RBM14: variants seen among roughly 807,000 people sequenced by gnomAD.
RBM14 encodes RNA-binding protein 14.
Under a neutral mutation model 52.8 loss-of-function variants are expected in RBM14, and 5 were observed. That is an observed-to-expected ratio of 0.09 (90% CI 0.05 to 0.20). RBM14 has a LOEUF of 0.20. RBM14 is among the 10% of genes least tolerant of loss of function. The pLI is 1.00. For synonymous variants in RBM14, 411 were observed against 401.8 expected (o/e 1.02, Z -0.28); for missense variants, 780 against 926.6 (o/e 0.84, Z 2.05).
At position 66,625,187 on chromosome 11, in the gene RBM14, C is replaced by T. The variant is rs375934305; in HGVS notation, c.1311C>T (p.Ala437=). The part of the protein sequence containing the change: ...SQPAAYVAQP[A]TAAAYASQPA... ...CTGCTGCCTATGTGGCACAGCCAGC[C>T]ACAGCTGCTGCCTATGCCAGCCAGC... The change falls in exon 2 of 3, where the codon GCC becomes GCT. Residue 437 remains alanine (A), a synonymous_variant. Transcript: ENST00000310137. This position sits in a 1 kb window ranked among gnomAD's most constrained non-coding sequence, Gnocchi z 4.2. 3 of 1,612,184 alleles carry T rather than the reference C, an allele frequency of 1.9e-6. No homozygotes were observed. The highest frequency in any genetic ancestry group is 1.1e-5 in the South Asian group (1 of 91,086).
rs774395879 is a variant in RBM14 at position 66,624,574 on chromosome 11, A to G, written c.698A>G (p.Gln233Arg). 2 of 1,612,288 alleles carry G rather than the reference A, an allele frequency of 1.2e-6. No homozygotes were observed. Among genetic ancestry groups the G allele is most frequent in the African/African-American group, 1.3e-5 (1 of 74,908 alleles). Residue 233 changes from glutamine (Q) to arginine (R), a missense_variant, in exon 2 of 3, where the codon CAG (glutamine) becomes CGG (arginine). By Grantham distance (43) the Gln-to-Arg change is conservative. Around this residue, in one of 4 missense-constraint regions of RBM14, gnomAD observed 675 missense variants for 697.3 expected, o/e 0.97. Coordinates refer to ENST00000310137, the MANE Select transcript of RBM14 (RefSeq NM_006328.4). The surrounding 1 kb of genome is among the most constrained non-coding windows in gnomAD (Gnocchi z 4.7). ...RASYVAPLTA[Q>R]PATYRAQPSV... is the part of the protein sequence containing the mutation. ...TCTTATGTGGCTCCTCTGACGGCCC[A>G]GCCAGCTACCTACCGGGCCCAGCCG...
Position 66,628,481 on chromosome 11 carries a change from G to A in RBM14, c.*1813G>A, listed in dbSNP as rs936304533. On this transcript the variant is annotated 3_prime_UTR_variant, in exon 3 of 3. Coordinates refer to ENST00000310137, the MANE Select transcript of RBM14 (RefSeq NM_006328.4). ...CTCTTGCCATCGTGCAAAAGCATTCGATCTTATGACCGTGAGTTCTTATTT... is the reference window on the plus strand; with the variant it reads ...CTCTTGCCATCGTGCAAAAGCATTCAATCTTATGACCGTGAGTTCTTATTT... Among the ~76,000 whole-genome samples, 2 of 149,730 alleles carry A rather than the reference G, an allele frequency of 1.3e-5. No homozygotes were observed. Among genetic ancestry groups the A allele is most frequent in the African/African-American group, 4.9e-5 (2 of 41,184 alleles).
chr11:66,620,394 G>A (rs1479230074), intron 1 of RBM14, among the ~76,000 whole-genome samples: 4 of 151,828 alleles, frequency 2.6e-5, no homozygotes, highest in Non-Finnish European at 2.9e-5. Context: ...TGCAACCTCC[G>A]TCTCCTGGGT....
Position 66,624,074 on chromosome 11 carries a change from A to T in RBM14, c.338-140A>T. 1 of 1,403,468 alleles carries T rather than the reference A, an allele frequency of 7.1e-7. No homozygotes were observed. Among genetic ancestry groups the T allele is most frequent in the Admixed American group, 1.9e-5 (1 of 53,198 alleles). The allele number at this position is 1,403,468 out of a possible 1,614,324, so 86.9% of individuals were successfully genotyped here. On this transcript the variant is annotated intron_variant, in intron 1 of 2. Coordinates refer to ENST00000310137, the MANE Select transcript of RBM14 (RefSeq NM_006328.4). This position sits in a 1 kb window ranked among gnomAD's most constrained non-coding sequence, Gnocchi z 4.7. ...TGTTATATGGGAGCTACATTTTATGACATACTCCTGGAGAGGAGGGTTTGG... is the reference window on the plus strand; with the variant it reads ...TGTTATATGGGAGCTACATTTTATGTCATACTCCTGGAGAGGAGGGTTTGG...
rs1937960565 is a variant in RBM14 at position 66,629,519 on chromosome 11, A to G, written c.*2851A>G. Among the ~76,000 whole-genome samples the G allele has an allele frequency of 6.6e-6, 1 of 152,224 alleles. No individual in the cohort carries two copies. The highest frequency in any genetic ancestry group is 6.5e-5 in the Admixed American group (1 of 15,282). ...ATACCCATCACTTAAATTCTGCCAC[A>G]GTCTGCACAGACGGTTGGTCCTCCA... On this transcript the variant is annotated 3_prime_UTR_variant, in exon 3 of 3. Coordinates refer to ENST00000310137, the MANE Select transcript of RBM14 (RefSeq NM_006328.4).
Position 66,626,909 on chromosome 11 carries a change from T to C in RBM14, c.*241T>C. On this transcript the variant is annotated 3_prime_UTR_variant, in exon 3 of 3. Coordinates refer to ENST00000310137, the MANE Select transcript of RBM14 (RefSeq NM_006328.4). ...TAGATCTGCGGTTTCCCCTCTACCC[T>C]GCCTCCCGTCTCCCCAGAATGGGAA... 1 of 434,902 alleles carries C rather than the reference T, an allele frequency of 2.3e-6. No homozygotes were observed. Among genetic ancestry groups the C allele is most frequent in the East Asian group, 3.6e-5 (1 of 27,996 alleles). The allele number at this position is 434,902 out of a possible 1,614,324, so 26.9% of individuals were successfully genotyped here.
rs1937699291 is a variant in RBM14, at chr11:66,624,596, G to C, written c.720G>C (p.Gln240His). ...CCCAGCCAGCTACCTACCGGGCCCA[G>C]CCGTCCGTGTCACTGGGAGCTGCCT... Reference protein sequence around the residue: ...LTAQPATYRAQPSVSLGAAYR... With the variant: ...LTAQPATYRAHPSVSLGAAYR... The change falls in exon 2 of 3, where the codon CAG becomes CAC. Residue 240 changes from glutamine (Q) to histidine (H), a missense_variant. Physicochemically the swap from Gln to His is conservative, Grantham distance 24 (BLOSUM62 0). This residue lies in a region of RBM14 where 675 missense variants were observed against 697.3 expected (regional missense o/e 0.97). Transcript: ENST00000310137. The surrounding 1 kb of genome is among the most constrained non-coding windows in gnomAD (Gnocchi z 4.7). 2 of 1,612,154 alleles carry C rather than the reference G, an allele frequency of 1.2e-6. No homozygotes were observed. The highest frequency in any genetic ancestry group is 1.3e-5 in the African/African-American group (1 of 75,040).
In RBM14 at chr11:66,625,501, G is replaced by C; in HGVS notation, c.1625G>C (p.Gly542Ala). 3 of 1,612,668 alleles carry C rather than the reference G, an allele frequency of 1.9e-6. No homozygotes were observed. Among genetic ancestry groups the C allele is most frequent in the Non-Finnish European group, 2.5e-6 (3 of 1,179,468 alleles). Residue 542 changes from glycine to alanine, a missense_variant, in exon 2 of 3, where the codon GGC becomes GCC. By Grantham distance (60) the Gly-to-Ala change is moderately conservative. This residue lies in a region of RBM14 where 675 missense variants were observed against 697.3 expected (regional missense o/e 0.97). Transcript: ENST00000310137. This position sits in a 1 kb window ranked among gnomAD's most constrained non-coding sequence, Gnocchi z 4.2. The stretch of plus-strand genomic sequence containing the variant: ...CCCCAGGCTGCTGCCTCCTACCGCG[G>C]CCAGCCAGGCAATGCCTACGATGGG... ...QHPQAAASYR[G>A]QPGNAYDGAG...
In RBM14 at chr11:66,624,521, C is replaced by T; in HGVS notation, c.645C>T (p.Ser215=). The change falls in exon 2 of 3, where the codon AGC becomes AGT. Residue 215 remains serine, a synonymous_variant. Transcript: ENST00000310137. This position sits in a 1 kb window ranked among gnomAD's most constrained non-coding sequence, Gnocchi z 4.7. The stretch of plus-strand genomic sequence containing the variant: ...CACCCTTCTTTGGTCGCGACCGCAG[C>T]CCTCTGCGCCGTTCACCTCCCCGAG... ...PTPPFFGRDR[S]PLRRSPPRAS... 6.2e-7 allele frequency: 1 copy of T among 1,612,854 alleles called. No homozygotes were observed. Among genetic ancestry groups the T allele is most frequent in the Non-Finnish European group, 8.5e-7 (1 of 1,179,294 alleles).
chr11:66,621,590 T>C (rs1859116098), intron 1 of RBM14, among the ~76,000 whole-genome samples: 1 of 152,144 alleles, frequency 6.6e-6, no homozygotes, highest in African/African-American at 2.4e-5. Context: ...TTGGTCAGGC[T>C]GGTCTTGAAC....
At position 66,624,666 on chromosome 11, in the gene RBM14, C is replaced by A. The variant is rs1366832989; in HGVS notation, c.790C>A (p.Gln264Lys). Reference protein sequence around the residue: ...SASLGVGYRTQPMTAQAASYR... With the variant: ...SASLGVGYRTKPMTAQAASYR... ...CTCTTTGGGTGTTGGCTATCGGACT[C>A]AGCCCATGACAGCCCAGGCAGCCTC... The change falls in exon 2 of 3, where the codon CAG (glutamine) becomes AAG (lysine). Residue 264 changes from glutamine (Q) to lysine (K), a missense_variant. Transcript: ENST00000310137. The surrounding 1 kb of genome is among the most constrained non-coding windows in gnomAD (Gnocchi z 4.7). 6.2e-7 allele frequency: 1 copy of A among 1,613,480 alleles called. No homozygotes were observed. The highest frequency in any genetic ancestry group is 1.3e-5 in the African/African-American group (1 of 75,044).
At chr11:66,622,518 C>G (rs1222560132) in intron 1 of RBM14, among the ~76,000 whole-genome samples, 2 of 152,188 alleles carry the variant, frequency 1.3e-5, no homozygotes, top group South Asian at 2.1e-4. Flanking sequence ...AGCCCCTGTA[C>G]CTGCCTAAAT....
At chr11:66,618,529 T>C in intron 1 of RBM14, 1 of 717,520 alleles carries the variant, frequency 1.4e-6, no homozygotes, top group South Asian at 1.5e-5. Context: ...GGAATCGGGC[T>C]TTCCTGCTGG....
rs1231374287 is a variant in RBM14 at position 66,625,820 on chromosome 11, G to A, written c.1802+142G>A. 1.5e-6 allele frequency: 1 copy of A among 684,984 alleles called. No individual in the cohort carries two copies. The highest frequency in any genetic ancestry group is 2.8e-5 in the East Asian group (1 of 36,356). 42.4% of individuals were successfully genotyped at this position (684,984 alleles called of 1,614,324 possible). A position where few individuals can be genotyped will look rare whatever the true frequency, so the allele number is the denominator to read the frequency against. On this transcript the variant is annotated intron_variant, in intron 2 of 2. Coordinates refer to ENST00000310137, the MANE Select transcript of RBM14 (RefSeq NM_006328.4). The surrounding 1 kb of genome is among the most constrained non-coding windows in gnomAD (Gnocchi z 4.2). ...TTGTGGGATGTCCAGAGGCCGAGGG[G>A]AGCAGTGTCTATGAACTTTCCTGGT... is the stretch of plus-strand genomic sequence containing the variant.
intron 1 of RBM14, among the ~76,000 whole-genome samples, chr11:66,623,024 C>T (rs1859186993): frequency 6.6e-6 from 1 of 152,114 alleles, no homozygotes; most frequent in Non-Finnish European, 1.5e-5. Context: ...AAGTTTTCTC[C>T]TTCTGTGTAG....
Position 66,625,168 on chromosome 11 carries a change from C to G in RBM14, c.1292C>G (p.Ala431Gly). Residue 431 changes from alanine to glycine, a missense_variant, in exon 2 of 3, where the codon GCC (alanine) becomes GGC (glycine). By Grantham distance (60) the Ala-to-Gly change is moderately conservative (BLOSUM62 0). Transcript: ENST00000310137. This position sits in a 1 kb window ranked among gnomAD's most constrained non-coding sequence, Gnocchi z 4.2. ...QAASYSSQPA[A>G]YVAQPATAAA... ...GCTTCCTACTCTTCCCAACCTGCTG[C>G]CTATGTGGCACAGCCAGCCACAGCT... 6.2e-7 allele frequency: 1 copy of G among 1,612,622 alleles called. No homozygotes were observed.
intron 1 of RBM14, chr11:66,618,691 C>T (rs768284987): frequency 9.6e-6 from 6 of 627,120 alleles, no homozygotes; most frequent in Admixed American, 2.6e-5. Context: ...ATTGACTTAC[C>T]AAGTTTCTTT....
chr11:66,626,404 A>C (rs895114950), intron 2 of RBM14, 57 bp from the exon 3 acceptor site: 2 of 1,524,100 alleles, frequency 1.3e-6, no homozygotes, highest in African/African-American at 1.4e-5. Flanking sequence ...CCCAATGCCC[A>C]CCTGGAGTCC....
Position 66,622,211 on chromosome 11 carries a change from T to C in RBM14, c.338-2003T>C, listed in dbSNP as rs1455441718. Among the ~76,000 whole-genome samples the C allele has an allele frequency of 7.9e-5, 12 of 151,604 alleles. No homozygotes were observed. In the East Asian group the frequency reaches 2.1e-3, roughly 27 times the overall value. Reference sequence around the variant, plus strand: ...GATTACATGCGTGAGCCACCGTGCTTGGCTAGTTTCTTTTCTTTTTTTCTT... The same window carrying C: ...GATTACATGCGTGAGCCACCGTGCTCGGCTAGTTTCTTTTCTTTTTTTCTT... On this transcript the variant is annotated intron_variant, in intron 1 of 2. Coordinates refer to ENST00000310137, the MANE Select transcript of RBM14 (RefSeq NM_006328.4).
Sources: allele counts gnomAD v4.1 joint callset (sites outside exome capture counted in the v4.1 genomes callset), GRCh38; gene constraint gnomAD v4.1.1; regional missense constraint gnomAD v4.1.1; non-coding constraint Gnocchi (gnomAD v3.1); transcripts MANE v1.5; gene names NCBI Gene and HGNC (gene_info 2026-07-23, HGNC 2026-07-21).